The following JAZF1 variants were observed in gnomAD, a reference collection of about 807,000 sequenced individuals.
JAZF1 encodes juxtaposed with another zinc finger protein 1.
Under a neutral mutation model 26.4 loss-of-function variants are expected in JAZF1, and 8 were observed. That is an observed-to-expected ratio of 0.30 (90% CI 0.18 to 0.55). The LOEUF is 0.55. JAZF1 is among the 20% of genes least tolerant of loss of function. The pLI is 0.94. For synonymous variants in JAZF1, 126 were observed against 122.3 expected (o/e 1.03, Z -0.20); for missense variants, 199 against 322.0 (o/e 0.62, Z 2.92).
chr7:28,049,399 C>G (rs1783555520), intron 1 of JAZF1, among the ~76,000 whole-genome samples: 1 of 152,004 alleles, frequency 6.6e-6, no homozygotes, highest in Admixed American at 6.6e-5. Flanking sequence ...CCCTTTCTTT[C>G]TATTCTACTA....
At chr7:28,140,265 T>C (rs2127945380) in intron 1 of JAZF1, among the ~76,000 whole-genome samples, 2 of 152,038 alleles carry the variant, frequency 1.3e-5, no homozygotes, top group South Asian at 2.1e-4. Flanking sequence ...GTATTTTTAG[T>C]AGAGATGGGG....
chr7:28,120,703 G>C (rs908346319), intron 1 of JAZF1, among the ~76,000 whole-genome samples: 2 of 151,816 alleles, frequency 1.3e-5, no homozygotes, highest in Non-Finnish European at 2.9e-5. Flanking sequence ...GAATTATTTG[G>C]AGCTTCTCCC....
chr7:27,972,907 TATAG>T (rs1029942529), intron 2 of JAZF1, among the ~76,000 whole-genome samples: 6 of 150,642 alleles, frequency 4.0e-5, no homozygotes, highest in South Asian at 2.1e-4. Flanking sequence ...GTATGCAATA[TATAG>T]ATATATTTTA....
At chr7:28,037,892 T>C (rs568816790) in intron 1 of JAZF1, among the ~76,000 whole-genome samples, 1 of 152,216 alleles carries the variant, frequency 6.6e-6, no homozygotes, top group African/African-American at 2.4e-5. Flanking sequence ...CCAGGTAATA[T>C]GTCTCCTCAT....
intron 1 of JAZF1, among the ~76,000 whole-genome samples, chr7:27,993,641 G>C (rs1277889672): frequency 6.6e-6 from 1 of 152,104 alleles, no homozygotes; most frequent in Admixed American, 6.5e-5. Context: ...TAATCCTACA[G>C]GGTCTTTCTA....
At chr7:28,155,066 T>C (rs1783161344) in intron 1 of JAZF1, among the ~76,000 whole-genome samples, 1 of 152,180 alleles carries the variant, frequency 6.6e-6, no homozygotes, top group Admixed American at 6.5e-5. Flanking sequence ...TGCAAGTACT[T>C]TTCCCCACCA....
At chr7:27,921,267 G>T (rs1361762042) in intron 2 of JAZF1, among the ~76,000 whole-genome samples, 1 of 151,688 alleles carries the variant, frequency 6.6e-6, no homozygotes, top group African/African-American at 2.4e-5. Context: ...TTACCAGACT[G>T]CAACCAGACT....
At chr7:27,878,259 T>C (rs1308063564) in intron 3 of JAZF1, among the ~76,000 whole-genome samples, 2 of 151,326 alleles carry the variant, frequency 1.3e-5, no homozygotes, top group African/African-American at 4.9e-5. Context: ...TTTAGCTACA[T>C]GTCCTTGACT....
intron 1 of JAZF1, among the ~76,000 whole-genome samples, chr7:28,104,400 A>T (rs1159477845): frequency 2.6e-5 from 4 of 152,230 alleles, no homozygotes; most frequent in African/African-American, 9.6e-5. Context: ...TACCTAGGAC[A>T]GGGCCTGGCA....
At chr7:27,943,848 T>C (rs1200021195) in intron 2 of JAZF1, among the ~76,000 whole-genome samples, 1 of 152,220 alleles carries the variant, frequency 6.6e-6, no homozygotes, top group South Asian at 2.1e-4. Context: ...GTTTTCAACA[T>C]CCTGATGCTT....
intron 1 of JAZF1, among the ~76,000 whole-genome samples, chr7:27,994,825 C>T (rs1785981609): frequency 1.3e-5 from 2 of 152,144 alleles, no homozygotes; most frequent in South Asian, 2.1e-4. Context: ...TTTAATTATG[C>T]TGTTGAGCAC....
At chr7:27,945,185 T>C (rs1198510646) in intron 2 of JAZF1, among the ~76,000 whole-genome samples, 1 of 152,088 alleles carries the variant, frequency 6.6e-6, no homozygotes, top group Non-Finnish European at 1.5e-5. Flanking sequence ...CACACCGCTG[T>C]TGGACACACT....
intron 3 of JAZF1, among the ~76,000 whole-genome samples, chr7:27,886,838 A>G (rs1783874615): frequency 6.6e-6 from 1 of 151,758 alleles, no homozygotes; most frequent in South Asian, 2.1e-4. Context: ...TAGCAAAGAC[A>G]TGGAATCAAC....
intron 2 of JAZF1, among the ~76,000 whole-genome samples, chr7:27,941,980 C>A (rs1259226773): frequency 2.0e-5 from 3 of 152,192 alleles, no homozygotes; most frequent in African/African-American, 7.2e-5. Context: ...TTTCAGCTCA[C>A]TTATTTGCTG....
intron 1 of JAZF1, among the ~76,000 whole-genome samples, chr7:28,044,251 T>A (rs1444314152): frequency 6.6e-6 from 1 of 152,194 alleles, no homozygotes; most frequent in Non-Finnish European, 1.5e-5. Context: ...CATCTGTCCT[T>A]CCTTCCTTCC....
At chr7:28,036,296 G>A (rs1783292022) in intron 1 of JAZF1, among the ~76,000 whole-genome samples, 1 of 152,204 alleles carries the variant, frequency 6.6e-6, no homozygotes, top group East Asian at 1.9e-4. Context: ...GATAAACACT[G>A]ATTAACAAAC....
intron 1 of JAZF1, among the ~76,000 whole-genome samples, chr7:28,159,757 T>C (rs1215243724): frequency 6.6e-6 from 1 of 152,120 alleles, no homozygotes; most frequent in Non-Finnish European, 1.5e-5. Context: ...CAGTTTTACC[T>C]AGTAAAGTTC....
rs10691690 is a variant in JAZF1 at position 27,998,071 on chromosome 7, A to AAGGAAGGAAGGAAGGC, written c.116-6091_116-6090insGCCTTCCTTCCTTCCT. On this transcript the variant is annotated intron_variant, in intron 1 of 4. Coordinates refer to ENST00000283928, the MANE Select transcript of JAZF1 (RefSeq NM_175061.4). Reference sequence around the variant, plus strand: ...GAAGGAAGGAAGGAAGGAAGGAAGGAAGGCAGGCAGGCAGGCAGGCAGGCA... The same window carrying AAGGAAGGAAGGAAGGC: ...GAAGGAAGGAAGGAAGGAAGGAAGGAAGGAAGGAAGGAAGGCAGGCAGGCAGGCAGGCAGGCAGGCA... Among the ~76,000 whole-genome samples the AAGGAAGGAAGGAAGGC allele has an allele frequency of 6.5e-3, 722 of 111,498 alleles. 15 individuals are homozygous for AAGGAAGGAAGGAAGGC. The highest frequency in any genetic ancestry group is 0.026 in the African/African-American group (637 of 24,302). 73.1% of individuals were successfully genotyped at this position (111,498 alleles called of 152,430 possible).
intron 1 of JAZF1, among the ~76,000 whole-genome samples, chr7:28,149,771 G>C (rs1012537314): frequency 1.3e-5 from 2 of 152,136 alleles, no homozygotes; most frequent in African/African-American, 2.4e-5. Context: ...TATAGCAATG[G>C]GCTAAATAAT....
Sources: gnomAD v4.1 joint callset for allele counts (sites outside exome capture counted in the v4.1 genomes callset) on GRCh38, gnomAD v4.1.1 for gene constraint, MANE v1.5 for transcripts, NCBI Gene and HGNC (gene_info 2026-07-23, HGNC 2026-07-21) for gene names.